The following PPP3CA variants were observed in gnomAD, a reference collection of about 807,000 sequenced individuals.
The protein encoded by PPP3CA is protein phosphatase 3 catalytic subunit alpha.
Under a neutral mutation model 66.5 loss-of-function variants are expected in PPP3CA, and 14 were observed. The observed-to-expected ratio is 0.21, with a 90% CI of 0.14 to 0.33. The LOEUF is 0.33. Among genes scored for constraint, PPP3CA ranks in the 10% least tolerant of loss-of-function variants. The probability of loss-of-function intolerance (pLI) is 1.00; values close to 1 mark genes in which losing one functional copy is unlikely to be tolerated. For missense variants in PPP3CA, 317 were observed against 639.5 expected (o/e 0.50, Z 5.44); for synonymous variants, 232 against 226.2 (o/e 1.03, Z -0.23).
intron 2 of PPP3CA, among the ~76,000 whole-genome samples, chr4:101,147,615 G>A (rs1238044373): frequency 6.6e-6 from 1 of 152,050 alleles, no homozygotes; most frequent in Admixed American, 6.5e-5. Flanking sequence ...TTCTCTCCAA[G>A]AGCTATTCTT....
At chr4:101,032,854 G>A (rs905571047) in intron 11 of PPP3CA, among the ~76,000 whole-genome samples, 1 of 152,180 alleles carries the variant, frequency 6.6e-6, no homozygotes, top group Non-Finnish European at 1.5e-5. Flanking sequence ...ATTACATTCA[G>A]TGGACTTTGA....
intron 1 of PPP3CA, among the ~76,000 whole-genome samples, chr4:101,290,661 T>G (rs1342079895): frequency 6.6e-6 from 1 of 152,042 alleles, no homozygotes; most frequent in Non-Finnish European, 1.5e-5. Flanking sequence ...GACAACCCAG[T>G]ACAAGAGTCA....
chr4:101,238,729 GGTGGGAA>G (rs1232579826), intron 1 of PPP3CA, among the ~76,000 whole-genome samples: 1 of 151,870 alleles, frequency 6.6e-6, no homozygotes, highest in Non-Finnish European at 1.5e-5. Context: ...TAATCGTTTT[GGTGGGAA>G]GCGCTTCAAT....
At chr4:101,109,472 C>T (rs1413979361) in intron 2 of PPP3CA, among the ~76,000 whole-genome samples, 4 of 151,776 alleles carry the variant, frequency 2.6e-5, no homozygotes, top group African/African-American at 7.3e-5. Flanking sequence ...TAAAAGACGA[C>T]ACCAAAGAAT....
chr4:101,035,143 C>T (rs113735496), intron 11 of PPP3CA, among the ~76,000 whole-genome samples: 1,752 of 152,210 alleles, frequency 0.012, 38 homozygotes, highest in African/African-American at 0.04. Context: ...ATGGCATGCT[C>T]CTGTAATCCC....
At chr4:101,346,187 G>A (rs190036042) in intron 1 of PPP3CA, among the ~76,000 whole-genome samples, 14,789 of 151,704 alleles carry the variant, frequency 0.097, 2,449 homozygotes, top group African/African-American at 0.34. Flanking sequence ...CCCTTCCAGG[G>A]GGAGGGGGAG....
intron 1 of PPP3CA, among the ~76,000 whole-genome samples, chr4:101,242,390 A>G (rs545259959): frequency 1.3e-5 from 2 of 152,252 alleles, no homozygotes; most frequent in East Asian, 3.9e-4. Flanking sequence ...CTTATTTCCA[A>G]TTGAAAACTG....
intron 8 of PPP3CA, among the ~76,000 whole-genome samples, chr4:101,066,399 A>G (rs1728682531): frequency 2.0e-5 from 3 of 152,110 alleles, no homozygotes; most frequent in Admixed American, 2.0e-4. Context: ...TAATTTATAA[A>G]GTCTCTTCCA....
intron 2 of PPP3CA, among the ~76,000 whole-genome samples, chr4:101,138,224 T>C (rs1578484880): frequency 5.9e-5 from 9 of 152,196 alleles, no homozygotes. Flanking sequence ...GGAGAAATGG[T>C]TGGAATGGTT....
chr4:101,155,965 A>G (rs1233214183), intron 2 of PPP3CA, among the ~76,000 whole-genome samples: 3 of 152,292 alleles, frequency 2.0e-5, no homozygotes, highest in Non-Finnish European at 4.4e-5. Flanking sequence ...TATCCTCACA[A>G]CCACCCTACA....
At chr4:101,172,414 T>G (rs1251700076) in intron 2 of PPP3CA, among the ~76,000 whole-genome samples, 1 of 152,178 alleles carries the variant, frequency 6.6e-6, no homozygotes, top group Non-Finnish European at 1.5e-5. Flanking sequence ...ACCTAGAATA[T>G]AGTTGGTGCT....
At chr4:101,225,944 C>A (rs1725768493) in intron 1 of PPP3CA, among the ~76,000 whole-genome samples, 1 of 151,608 alleles carries the variant, frequency 6.6e-6, no homozygotes, top group African/African-American at 2.4e-5. Context: ...ACATGATGAG[C>A]GTGACAAAAC....
intron 2 of PPP3CA, among the ~76,000 whole-genome samples, chr4:101,173,922 G>A (rs1723967066): frequency 1.3e-5 from 2 of 151,836 alleles, no homozygotes; most frequent in South Asian, 4.1e-4. Context: ...AATGGTGGTG[G>A]GTGCCTGTAG....
At chr4:101,277,009 C>T (rs1727517188) in intron 1 of PPP3CA, among the ~76,000 whole-genome samples, 1 of 151,668 alleles carries the variant, frequency 6.6e-6, no homozygotes, top group African/African-American at 2.4e-5. Flanking sequence ...ATATTAGGAC[C>T]TGATATTTTC....
chr4:101,294,108 A>AT (rs1418227234), intron 1 of PPP3CA, among the ~76,000 whole-genome samples: 5 of 152,248 alleles, frequency 3.3e-5, no homozygotes, highest in Non-Finnish European at 5.9e-5. Flanking sequence ...TCAAGCCTTC[A>AT]TGTAATACAG....
intron 1 of PPP3CA, among the ~76,000 whole-genome samples, chr4:101,236,065 C>T (rs1037370825): frequency 6.6e-6 from 1 of 151,396 alleles, no homozygotes; most frequent in Non-Finnish European, 1.5e-5. Flanking sequence ...AGACAGACAC[C>T]AGCCCTGTAC....
intron 2 of PPP3CA, among the ~76,000 whole-genome samples, chr4:101,143,276 C>T (rs1041816259): frequency 6.6e-6 from 1 of 152,124 alleles, no homozygotes; most frequent in Non-Finnish European, 1.5e-5. Flanking sequence ...TCTCAAGGAT[C>T]ACACTCCATC....
chr4:101,102,831 G>A (rs145051444), intron 3 of PPP3CA, among the ~76,000 whole-genome samples: 1 of 152,198 alleles, frequency 6.6e-6, no homozygotes, highest in Non-Finnish European at 1.5e-5. Context: ...AATTGGTTAA[G>A]GTAGAAACAA....
intron 1 of PPP3CA, among the ~76,000 whole-genome samples, chr4:101,246,652 T>A (rs1393628753): frequency 6.6e-6 from 1 of 152,160 alleles, no homozygotes; most frequent in East Asian, 1.9e-4. Flanking sequence ...ATAAAACAAC[T>A]GTGAATTAAA....
Sources: gnomAD v4.1 joint callset for allele counts (sites outside exome capture counted in the v4.1 genomes callset) on GRCh38, gnomAD v4.1.1 for gene constraint, MANE v1.5 for transcripts, NCBI Gene and HGNC (gene_info 2026-07-23, HGNC 2026-07-21) for gene names.